NAV2: variants seen among roughly 807,000 people sequenced by gnomAD.
NAV2 encodes neuron navigator 2, also known as helicase, APC down-regulated 1.
A neutral mutation model predicts 223.2 loss-of-function variants in NAV2; 54 were observed. The ratio of observed to expected loss-of-function variants is 0.24; its 90% CI spans 0.19 to 0.30. The LOEUF (loss-of-function observed/expected upper bound fraction) is 0.30, where lower values mean the gene tolerates loss of function less well. Among genes scored for constraint, NAV2 ranks in the 10% least tolerant of loss-of-function variants. The pLI, the probability that NAV2 is intolerant of heterozygous loss-of-function variation, is 1.00. For missense variants in NAV2, 2,806 were observed against 3,147.5 expected, an observed-to-expected ratio of 0.89 and a Z score of 2.60; for synonymous variants, 1,279 against 1,239.3, an observed-to-expected ratio of 1.03 and a Z score of -0.67.
intron 6 of NAV2, among the ~76,000 whole-genome samples, chr11:19,928,521 T>C (rs1024377868): frequency 1.3e-5 from 2 of 152,040 alleles, no homozygotes; most frequent in African/African-American, 4.8e-5. Context: ...ATAACAAGAG[T>C]TGTTAGTTAT....
chr11:19,408,429 A>G (rs1181698316), intron 1 of NAV2, among the ~76,000 whole-genome samples: 2 of 152,178 alleles, frequency 1.3e-5, no homozygotes, highest in African/African-American at 2.4e-5. Flanking sequence ...TTTTGCTAGA[A>G]ATATTGTATG....
At chr11:19,360,422 T>A (rs1455666684) in intron 1 of NAV2, among the ~76,000 whole-genome samples, 1 of 152,232 alleles carries the variant, frequency 6.6e-6, no homozygotes, top group Non-Finnish European at 1.5e-5. Flanking sequence ...TTTGCTATAT[T>A]TGGAGTTGTG....
intron 1 of NAV2, among the ~76,000 whole-genome samples, chr11:19,565,205 C>G (rs16936989): frequency 0.058 from 8,844 of 152,196 alleles, 588 homozygotes; most frequent in African/African-American, 0.16. Flanking sequence ...CGGGATCCAT[C>G]GCTGTCCTTT....
chr11:19,421,791 C>A (rs1590174809), intron 1 of NAV2, among the ~76,000 whole-genome samples: 2 of 50,456 alleles, frequency 4.0e-5, no homozygotes, highest in Non-Finnish European at 8.5e-5. Flanking sequence ...TTTTTTTGCC[C>A]AAGCATGAGA....
chr11:19,495,494 T>A (rs2042764642), intron 1 of NAV2, among the ~76,000 whole-genome samples: 1 of 152,192 alleles, frequency 6.6e-6, no homozygotes, highest in Non-Finnish European at 1.5e-5. Flanking sequence ...GACATACAGC[T>A]TACTTAATAC....
At chr11:19,603,410 G>C (rs1401724930) in intron 1 of NAV2, among the ~76,000 whole-genome samples, 1 of 152,056 alleles carries the variant, frequency 6.6e-6, no homozygotes, top group Admixed American at 6.6e-5. Flanking sequence ...GGTGGATCAC[G>C]AGGTCAGGAG....
chr11:19,777,894 C>T (rs765062526), intron 1 of NAV2: 3 of 455,954 alleles, frequency 6.6e-6, no homozygotes, highest in South Asian at 1.5e-5. Flanking sequence ...GTCCCCCGAG[C>T]CCCCATTGTG....
intron 1 of NAV2, among the ~76,000 whole-genome samples, chr11:19,571,031 C>T (rs2045410290): frequency 6.6e-6 from 1 of 152,116 alleles, no homozygotes; most frequent in Non-Finnish European, 1.5e-5. Context: ...GTGGAAACAA[C>T]CCAAATGTCT....
intron 6 of NAV2, among the ~76,000 whole-genome samples, chr11:19,929,879 A>G (rs2045157816): frequency 6.6e-6 from 1 of 152,166 alleles, no homozygotes; most frequent in Non-Finnish European, 1.5e-5. Flanking sequence ...CCTATAGCAG[A>G]AGCACCACGT....
intron 1 of NAV2, among the ~76,000 whole-genome samples, chr11:19,632,308 C>G (rs1218651433): frequency 6.6e-6 from 1 of 152,184 alleles, no homozygotes; most frequent in Non-Finnish European, 1.5e-5. Context: ...GCTTCCTTAT[C>G]AGTTAAATCA....
intron 1 of NAV2, among the ~76,000 whole-genome samples, chr11:19,561,532 G>A (rs2045098040): frequency 6.6e-6 from 1 of 152,140 alleles, no homozygotes; most frequent in East Asian, 1.9e-4. Context: ...AATTTCTCTT[G>A]TTAATCAGTG....
At chr11:19,871,605 A>G (rs959305574) in intron 4 of NAV2, among the ~76,000 whole-genome samples, 2 of 151,838 alleles carry the variant, frequency 1.3e-5, no homozygotes, top group Non-Finnish European at 2.9e-5. Context: ...CAGATCTTTC[A>G]CCTCAGTCTT....
intron 1 of NAV2, among the ~76,000 whole-genome samples, chr11:19,626,024 C>T (rs2047159909): frequency 6.6e-6 from 1 of 152,100 alleles, no homozygotes; most frequent in South Asian, 2.1e-4. Flanking sequence ...TGTGCAGAAG[C>T]TTTGCTATTT....
At chr11:19,646,134 G>T (rs938214655) in intron 1 of NAV2, among the ~76,000 whole-genome samples, 1 of 152,218 alleles carries the variant, frequency 6.6e-6, no homozygotes. Context: ...TTGCAAATGG[G>T]GTTGAATGAG....
At chr11:19,779,653 G>A (rs1004911964) in intron 1 of NAV2, among the ~76,000 whole-genome samples, 3 of 152,176 alleles carry the variant, frequency 2.0e-5, no homozygotes, top group Non-Finnish European at 2.9e-5. Flanking sequence ...CTTTCCCCAG[G>A]TTGTGAAAAG....
intron 1 of NAV2, among the ~76,000 whole-genome samples, chr11:19,818,723 C>T (rs187550577): frequency 4.4e-4 from 67 of 152,284 alleles, no homozygotes; most frequent in Admixed American, 3.7e-3. Context: ...TAGCATCCAC[C>T]GTCGGGTGGG....
intron 1 of NAV2, among the ~76,000 whole-genome samples, chr11:19,831,239 GC>G (rs1565392457): frequency 2.5e-5 from 1 of 40,358 alleles, no homozygotes; most frequent in Admixed American, 2.5e-4. Flanking sequence ...GGGGGGGGGC[GC>G]GATGGGGAGT....
In NAV2 at chr11:19,945,967, C is replaced by T. The variant is rs75901307; in HGVS notation, c.2147-434C>T. ...ACAGGTGCAGATCTTCTAGCTACTG[C>T]AAGCTATGCTTGCACAGTAGGGCCT... On this transcript the variant is annotated intron_variant, in intron 8 of 37. Transcript: ENST00000349880. Among the ~76,000 whole-genome samples the T allele has an allele frequency of 6.4e-4, 97 of 152,350 alleles. 1 individual carries two copies. The East Asian group carries it at 0.015, about 23-fold the overall frequency.
intron 1 of NAV2, among the ~76,000 whole-genome samples, chr11:19,358,176 G>A (rs769034983): frequency 3.3e-5 from 5 of 152,188 alleles, no homozygotes; most frequent in Admixed American, 1.3e-4. Flanking sequence ...AGAGAGGGAT[G>A]TGGGGGCTGG....
Sources: gnomAD v4.1 joint callset for allele counts (sites outside exome capture counted in the v4.1 genomes callset) on GRCh38, gnomAD v4.1.1 for gene constraint, MANE v1.5 for transcripts, NCBI Gene and HGNC (gene_info 2026-07-23, HGNC 2026-07-21) for gene names.